The following DOP1A variants were observed in gnomAD, a reference collection of about 807,000 sequenced individuals.
DOP1A encodes DOP1 leucine zipper like protein A.
In DOP1A, 90 loss-of-function variants were observed where a neutral mutation model predicts 267.6. The ratio of observed to expected loss-of-function variants is 0.34; its 90% CI spans 0.28 to 0.40. The LOEUF (loss-of-function observed/expected upper bound fraction) is 0.40, where lower values mean the gene tolerates loss of function less well. Ranked by LOEUF, DOP1A falls within the 10% of genes least tolerant of loss-of-function variation. The probability of loss-of-function intolerance (pLI) is 1.00; values close to 1 mark genes in which losing one functional copy is unlikely to be tolerated. For missense variants in DOP1A, 2,437 were observed against 2,900.4 expected, an observed-to-expected ratio of 0.84 and a Z score of 3.67; for synonymous variants, 932 against 999.1, an observed-to-expected ratio of 0.93 and a Z score of 1.27.
At chr6:83,149,601 G>C (rs190704101) in intron 27 of DOP1A, among the ~76,000 whole-genome samples, 1 of 152,248 alleles carries the variant, frequency 6.6e-6, no homozygotes, top group Non-Finnish European at 1.5e-5. Flanking sequence ...TAAAGAATGT[G>C]GTCTTGAAAG....
intron 34 of DOP1A, among the ~76,000 whole-genome samples, chr6:83,156,626 A>G (rs1466505798): frequency 6.6e-6 from 1 of 152,178 alleles, no homozygotes; most frequent in East Asian, 1.9e-4. Context: ...TAGCTCCACA[A>G]TGGGGATTTA....
intron 1 of DOP1A, among the ~76,000 whole-genome samples, chr6:83,076,481 C>T (rs188974763): frequency 3.3e-5 from 5 of 152,092 alleles, no homozygotes; most frequent in Admixed American, 2.0e-4. Context: ...ACTGCACTCC[C>T]GCCTGGAGGC....
chr6:83,125,109 T>C (rs1776947756), intron 13 of DOP1A, 57 bp from the exon 14 acceptor site: 1 of 1,485,244 alleles, frequency 6.7e-7, no homozygotes, highest in Non-Finnish European at 9.2e-7. Context: ...TGAAGACTTT[T>C]GGAAATCTTT....
chr6:83,112,304 TAAAG>T (rs1262536586), intron 6 of DOP1A, among the ~76,000 whole-genome samples: 3 of 151,730 alleles, frequency 2.0e-5, no homozygotes, highest in African/African-American at 7.3e-5. Flanking sequence ...AACATTGTAA[TAAAG>T]AAATAAGAGT....
At chr6:83,170,630 T>C, downstream of DOP1A, 1 of 637,230 alleles carries the variant, frequency 1.6e-6, no homozygotes, top group Non-Finnish European at 2.6e-6. Flanking sequence ...TTTCAACATT[T>C]GTGCAACTTT....
At chr6:83,104,846 AATTG>A (rs2128151980) in intron 4 of DOP1A, among the ~76,000 whole-genome samples, 1 of 151,596 alleles carries the variant, frequency 6.6e-6, no homozygotes, top group South Asian at 2.1e-4. Flanking sequence ...CTTTTTTTTT[AATTG>A]ATCAGTCTTA....
chr6:83,140,467 TC>T, intron 23 of DOP1A, 64 bp downstream of exon 23: 1 of 1,265,048 alleles, frequency 7.9e-7, no homozygotes, highest in South Asian at 1.5e-5. Flanking sequence ...AAGATTATAT[TC>T]AGAATATGTG....
chr6:83,134,542 T>C, intron 19 of DOP1A: 1 of 356,496 alleles, frequency 2.8e-6, no homozygotes, highest in Non-Finnish European at 5.1e-6. Context: ...ACGTTCCTGA[T>C]AATGTTAGTG....
chr6:83,152,339 G>A lies in DOP1A; in HGVS notation c.6101G>A (p.Ser2034Asn). The A allele has an allele frequency of 1.3e-6, 2 of 1,556,296 alleles. No homozygotes were observed. Among genetic ancestry groups the A allele is most frequent in the African/African-American group, 1.4e-5 (1 of 71,818 alleles). ...ETANITPSVY[S>N]VHALTLLSEV... ...GCAAACATAACTCCTTCTGTATATA[G>A]TGTCCATGCATTGACATTACTCTCT... The change falls in exon 30 of 39, where the codon AGT becomes AAT. Residue 2034 changes from serine to asparagine, a missense_variant. Physicochemically the swap from Ser to Asn is conservative, Grantham distance 46. Coordinates refer to ENST00000349129, the MANE Select transcript of DOP1A (RefSeq NM_015018.4).
Position 83,122,996 on chromosome 6 carries a change from T to A in DOP1A, c.1340+14T>A, listed in dbSNP as rs1346423223. On this transcript the variant is annotated intron_variant, in intron 12 of 38. Transcript: ENST00000349129. ...AGAATGTTGTAGGTATGTTAAACTTTCATTCCTTTTAATTTCGTAACATCT... is the reference window on the plus strand; with the variant it reads ...AGAATGTTGTAGGTATGTTAAACTTACATTCCTTTTAATTTCGTAACATCT... 1.9e-6 allele frequency: 3 copies of A among 1,575,102 alleles called. No individual in the cohort carries two copies. The South Asian group carries it at 3.6e-5, about 19-fold the overall frequency.
intron 1 of DOP1A, among the ~76,000 whole-genome samples, chr6:83,092,124 T>C (rs1770532473): frequency 6.6e-6 from 1 of 152,204 alleles, no homozygotes; most frequent in South Asian, 2.1e-4. Flanking sequence ...GTATCTGACA[T>C]ACATACAGGT....
At chr6:83,099,756 A>ACG (rs1772224995) in intron 3 of DOP1A, among the ~76,000 whole-genome samples, 1 of 148,760 alleles carries the variant, frequency 6.7e-6, no homozygotes, top group African/African-American at 2.6e-5. Flanking sequence ...ATATATACAC[A>ACG]TACACATATA....
At chr6:83,111,482 T>C (rs1490170959) in intron 6 of DOP1A, among the ~76,000 whole-genome samples, 7 of 151,940 alleles carry the variant, frequency 4.6e-5, no homozygotes, top group Non-Finnish European at 8.8e-5. Flanking sequence ...CAATTTTTAT[T>C]TCCACTTGCA....
chr6:83,156,676 T>C (rs1782871809), intron 34 of DOP1A, among the ~76,000 whole-genome samples: 2 of 152,210 alleles, frequency 1.3e-5, no homozygotes, highest in African/African-American at 4.8e-5. Flanking sequence ...CAGCATACTC[T>C]AAAGCCTCCA....
intron 18 of DOP1A, among the ~76,000 whole-genome samples, 193 bp downstream of exon 18, chr6:83,132,521 A>G (rs1304942960): frequency 1.3e-5 from 2 of 152,168 alleles, no homozygotes; most frequent in Non-Finnish European, 2.9e-5. Flanking sequence ...AGTTCTTTAC[A>G]AAAGCATCAG....
intron 1 of DOP1A, among the ~76,000 whole-genome samples, chr6:83,072,525 T>G (rs149156406): frequency 5.3e-5 from 8 of 152,328 alleles, no homozygotes; most frequent in Non-Finnish European, 7.3e-5. Context: ...GCATAGCATT[T>G]ATTTCACAAA....
chr6:83,082,957 G>A (rs1768398887), intron 1 of DOP1A, among the ~76,000 whole-genome samples: 1 of 151,814 alleles, frequency 6.6e-6, no homozygotes. Flanking sequence ...ACAGGTGCCT[G>A]CCACCACGCC....
chr6:83,134,316 C>T, intron 19 of DOP1A, 29 bp downstream of exon 19: 1 of 1,580,478 alleles, frequency 6.3e-7, no homozygotes, highest in Admixed American at 1.7e-5. Flanking sequence ...TAAGATTTCA[C>T]AGTCATATAT....
intron 19 of DOP1A, among the ~76,000 whole-genome samples, 170 bp from the exon 20 acceptor site, chr6:83,135,449 G>A (rs1778735637): frequency 6.6e-6 from 1 of 150,398 alleles, no homozygotes; most frequent in Non-Finnish European, 1.5e-5. Flanking sequence ...TATACCCACC[G>A]AGACTATTGG....
Sources: gnomAD v4.1 joint callset for allele counts (sites outside exome capture counted in the v4.1 genomes callset) on GRCh38, gnomAD v4.1.1 for gene constraint, MANE v1.5 for transcripts, NCBI Gene and HGNC (gene_info 2026-07-23, HGNC 2026-07-21) for gene names.